Variants in ERO1B observed in about 807,000 individuals in gnomAD.
ERO1B encodes endoplasmic reticulum oxidoreductase 1 beta.
ERO1B carries 49 observed loss-of-function variants against 75.3 expected under a neutral mutation model. The ratio of observed to expected loss-of-function variants is 0.65; its 90% CI spans 0.52 to 0.83. The LOEUF (loss-of-function observed/expected upper bound fraction) is 0.83, where lower values mean the gene tolerates loss of function less well. Among genes scored for constraint, ERO1B ranks in the 40% least tolerant of loss-of-function variants. ERO1B has a pLI of 0.00. For missense variants in ERO1B, 512 were observed against 560.1 expected (o/e 0.91, Z 0.87); for synonymous variants, 191 against 192.9 (o/e 0.99, Z 0.08).
At chr1:236,228,340 T>TATGC (rs930972729) in intron 10 of ERO1B, among the ~76,000 whole-genome samples, 1 of 152,148 alleles carries the variant, frequency 6.6e-6, no homozygotes, top group African/African-American at 2.4e-5. Context: ...AATAATAAAA[T>TATGC]ATGCACCAAG....
At chr1:236,222,238 A>G (rs1054895237) in intron 13 of ERO1B, among the ~76,000 whole-genome samples, 3 of 152,162 alleles carry the variant, frequency 2.0e-5, no homozygotes, top group African/African-American at 7.2e-5. Flanking sequence ...TCAGCCTCCC[A>G]AGTAGCTTAG....
intron 6 of ERO1B, among the ~76,000 whole-genome samples, chr1:236,239,907 A>ATTTT (rs1405706250): frequency 9.4e-6 from 1 of 106,376 alleles, no homozygotes; most frequent in African/African-American, 3.5e-5. Context: ...ATATATATAT[A>ATTTT]TATATTTTTT....
At chr1:236,251,993 T>TA in intron 4 of ERO1B, 57 bp downstream of exon 4, 2 of 1,263,674 alleles carry the variant, frequency 1.6e-6, no homozygotes, top group South Asian at 2.6e-5. Context: ...TGTCAGTCAG[T>TA]AAATGGTAAG....
At chr1:236,252,666 A>G (rs1328297706) in intron 3 of ERO1B, among the ~76,000 whole-genome samples, 2 of 152,322 alleles carry the variant, frequency 1.3e-5, no homozygotes, top group Admixed American at 1.3e-4. Context: ...ATGTATCTGA[A>G]TTATTACAAC....
At chr1:236,254,657 G>A (rs1444893419) in intron 2 of ERO1B, among the ~76,000 whole-genome samples, 1 of 152,074 alleles carries the variant, frequency 6.6e-6, no homozygotes, top group Non-Finnish European at 1.5e-5. Context: ...CTGTCACCCA[G>A]GCTGGAGTGC....
intron 9 of ERO1B, 138 bp downstream of exon 9, chr1:236,232,690 T>TG (rs397983349): frequency 7.2e-6 from 4 of 555,636 alleles, no homozygotes; most frequent in Non-Finnish European, 1.2e-5. Context: ...TTTTTTTTTT[T>TG]GGTCACCATT....
chr1:236,252,455 A>G (rs1665052505), intron 3 of ERO1B, among the ~76,000 whole-genome samples: 1 of 152,158 alleles, frequency 6.6e-6, no homozygotes, highest in South Asian at 2.1e-4. Flanking sequence ...AAAGTTCAAA[A>G]TTATTTGCAA....
chr1:236,242,768 T>C (rs1664743668), intron 6 of ERO1B, among the ~76,000 whole-genome samples: 1 of 152,154 alleles, frequency 6.6e-6, no homozygotes, highest in Non-Finnish European at 1.5e-5. Flanking sequence ...TTATGCCTAC[T>C]CAGCACAATT....
At chr1:236,241,229 G>A (rs1664690898) in intron 6 of ERO1B, among the ~76,000 whole-genome samples, 1 of 151,994 alleles carries the variant, frequency 6.6e-6, no homozygotes, top group Non-Finnish European at 1.5e-5. Flanking sequence ...TGATTCTAAA[G>A]CTACCCTGAC....
At chr1:236,236,655 T>C (rs1294456004) in intron 6 of ERO1B, among the ~76,000 whole-genome samples, 1 of 152,220 alleles carries the variant, frequency 6.6e-6, no homozygotes, top group Non-Finnish European at 1.5e-5. Context: ...TTTTAAGTAA[T>C]ATAACATCCC....
At chr1:236,261,636 G>A (rs553107255) in intron 2 of ERO1B, among the ~76,000 whole-genome samples, 1 of 152,212 alleles carries the variant, frequency 6.6e-6, no homozygotes, top group Non-Finnish European at 1.5e-5. Flanking sequence ...GAAAGAAACT[G>A]AAGACATAAA....
intron 2 of ERO1B, among the ~76,000 whole-genome samples, chr1:236,269,207 C>A (rs538924214): frequency 2.8e-4 from 43 of 152,134 alleles, no homozygotes; most frequent in African/African-American, 1.0e-3. Context: ...TGCACTTCAG[C>A]CTGGGTGACA....
intron 6 of ERO1B, among the ~76,000 whole-genome samples, chr1:236,242,146 T>A (rs975623264): frequency 6.6e-6 from 1 of 152,176 alleles, no homozygotes; most frequent in Non-Finnish European, 1.5e-5. Flanking sequence ...TAGCAAGTAC[T>A]TCCTGCAATT....
chr1:236,276,027 G>A (rs951363959), intron 1 of ERO1B, among the ~76,000 whole-genome samples: 3 of 152,172 alleles, frequency 2.0e-5, no homozygotes, highest in African/African-American at 4.8e-5. Flanking sequence ...ATGAATACAC[G>A]AGAAAAGTGT....
rs780062804 is a variant in ERO1B at position 236,226,465 on chromosome 1, G to A, written c.856C>T (p.Arg286Cys). 2.7e-5 allele frequency: 44 copies of A among 1,614,040 alleles called. 1 individual carries two copies. The highest frequency in any genetic ancestry group is 1.6e-4 in the South Asian group (15 of 91,070). ...CCCTTGGTTTCCACAGGGTCAAAGC[G>A]GTGTTTGAATTCTTTAATATTAGGT... ...WGPNIKEFKHRFDPVETKGEG... is the reference protein window; with the variant it reads ...WGPNIKEFKHCFDPVETKGEG... The change falls in exon 12 of 16, where the codon CGC (arginine) becomes TGC (cysteine). Residue 286 changes from arginine (R) to cysteine (C), a missense_variant. Arg to Cys is a radical substitution (Grantham distance 180). Transcript: ENST00000354619.
intron 9 of ERO1B, among the ~76,000 whole-genome samples, chr1:236,230,488 C>A (rs1664379473): frequency 2.0e-5 from 3 of 151,256 alleles, no homozygotes; most frequent in Admixed American, 2.0e-4. Context: ...AGGTGCAGGC[C>A]TGTAATCCAG....
Position 236,269,811 on chromosome 1 carries a change from A to C in ERO1B, c.222+64T>G. 3 of 1,351,078 alleles carry C rather than the reference A, an allele frequency of 2.2e-6. No homozygotes were observed. In the South Asian group the frequency reaches 3.9e-5, roughly 17 times the overall value. 83.7% of individuals were successfully genotyped at this position (1,351,078 alleles called of 1,614,324 possible). A position where few individuals can be genotyped will look rare whatever the true frequency, so the allele number is the denominator to read the frequency against. On this transcript the variant is annotated intron_variant, in intron 2 of 15. Coordinates refer to ENST00000354619, the MANE Select transcript of ERO1B (RefSeq NM_019891.4). ...TGAGAGGAACTGAAATGGGCTTTCAAAAGGATCATAAAGGTCACATATAAT... is the reference window on the plus strand; with the variant it reads ...TGAGAGGAACTGAAATGGGCTTTCACAAGGATCATAAAGGTCACATATAAT...
chr1:236,243,463 G>T lies in ERO1B; in HGVS notation c.464C>A (p.Ala155Glu), dbSNP rs760025536. The T allele has an allele frequency of 6.2e-7, 1 of 1,604,526 alleles. No individual in the cohort carries two copies. The highest frequency in any genetic ancestry group is 8.5e-7 in the Non-Finnish European group (1 of 1,175,096). ...NQSKEAFIDWARYDDSRDHFC... is the reference protein window; with the variant it reads ...NQSKEAFIDWERYDDSRDHFC... ...GTGATCCCGTGAATCATCATATCTT[G>T]CCCAGTCAATGAAAGCTTCTTTGCT... The change falls in exon 6 of 16, where the codon GCA (alanine) becomes GAA (glutamate). Residue 155 changes from alanine to glutamate, a missense_variant. Transcript: ENST00000354619.
chr1:236,259,948 T>G (rs560298296), intron 2 of ERO1B, among the ~76,000 whole-genome samples: 1 of 152,312 alleles, frequency 6.6e-6, no homozygotes, highest in Non-Finnish European at 1.5e-5. Flanking sequence ...TCAGTGCATA[T>G]GGAACATTCT....
Sources: gnomAD v4.1 joint callset for allele counts (sites outside exome capture counted in the v4.1 genomes callset) on GRCh38, gnomAD v4.1.1 for gene constraint, MANE v1.5 for transcripts, NCBI Gene and HGNC (gene_info 2026-07-23, HGNC 2026-07-21) for gene names.